Variants in TENM3 observed in about 807,000 individuals in gnomAD.
TENM3 encodes teneurin-3.
TENM3 carries 63 observed loss-of-function variants against 255.1 expected under a neutral mutation model. The ratio of observed to expected loss-of-function variants is 0.25; its 90% CI spans 0.20 to 0.30. TENM3 has a LOEUF of 0.30. Ranked by LOEUF, TENM3 falls within the 10% of genes least tolerant of loss-of-function variation. TENM3 has a pLI of 1.00. For missense variants in TENM3, 2,929 were observed against 3,461.1 expected, an observed-to-expected ratio of 0.85 and a Z score of 3.86; for synonymous variants, 1,306 against 1,322.3, an observed-to-expected ratio of 0.99 and a Z score of 0.27.
At chr4:181,614,759 A>G in the TENM3 span, among the ~76,000 whole-genome samples, 1 of 152,248 alleles carries the variant, frequency 6.6e-6, no homozygotes, top group African/African-American at 2.4e-5. Context: ...ACTATCTACC[A>G]GCTTTCTAGA....
chr4:182,100,774 CAT>C, the TENM3 span, among the ~76,000 whole-genome samples: 54 of 33,150 alleles, frequency 1.6e-3, 6 homozygotes, highest in African/African-American at 4.8e-3. Context: ...TATATATACA[CAT>C]ATATATACAC....
chr4:182,743,833 C>A lies in TENM3; in HGVS notation c.3629+414C>A, dbSNP rs557682762. Among the ~76,000 whole-genome samples, 4 of 152,266 alleles carry A rather than the reference C, an allele frequency of 2.6e-5. No homozygotes were observed. The South Asian group carries it at 6.2e-4, about 24-fold the overall frequency. On this transcript the variant is annotated intron_variant, in intron 19 of 27. Coordinates refer to ENST00000511685, the MANE Select transcript of TENM3 (RefSeq NM_001080477.4). ...GATATTAAATGGACTAAGGCTACAA[C>A]TTTTAACTAGAATATTGGATCTTCA...
the TENM3 span, among the ~76,000 whole-genome samples, chr4:181,912,570 A>C: frequency 1.3e-5 from 2 of 151,998 alleles, no homozygotes; most frequent in Non-Finnish European, 1.5e-5. Flanking sequence ...AGATGAGTGG[A>C]TCACTTGAGG....
At chr4:181,468,123 C>T in the TENM3 span, among the ~76,000 whole-genome samples, 1 of 82,696 alleles carries the variant, frequency 1.2e-5, no homozygotes, top group Non-Finnish European at 2.7e-5. Context: ...CAGGGAGACC[C>T]CATCTGTACA....
intron 3 of TENM3, among the ~76,000 whole-genome samples, chr4:182,578,513 G>A (rs1317053585): frequency 2.6e-5 from 4 of 151,916 alleles, no homozygotes; most frequent in Non-Finnish European, 5.9e-5. Context: ...GAATATCTGT[G>A]GAATGAATGA....
the TENM3 span, among the ~76,000 whole-genome samples, chr4:181,547,067 T>A: frequency 6.6e-6 from 1 of 152,310 alleles, no homozygotes; most frequent in Admixed American, 6.5e-5. Context: ...TTCTTAAATG[T>A]AATGAGTTAG....
the TENM3 span, among the ~76,000 whole-genome samples, chr4:182,023,566 G>T: frequency 6.6e-6 from 1 of 152,124 alleles, no homozygotes; most frequent in Admixed American, 6.5e-5. Context: ...ACCCCTCCTG[G>T]TTTATGACAG....
At chr4:181,938,911 T>G in the TENM3 span, among the ~76,000 whole-genome samples, 1 of 152,326 alleles carries the variant, frequency 6.6e-6, no homozygotes, top group East Asian at 1.9e-4. Flanking sequence ...AAAGTCCTAC[T>G]GCAATATAAA....
rs557052615 is a variant in TENM3, at chr4:182,493,735, C to T, written c.512-107189C>T. Among the ~76,000 whole-genome samples the T allele has an allele frequency of 5.3e-5, 8 of 152,072 alleles. No individual in the cohort carries two copies. The East Asian group carries it at 1.4e-3, about 26-fold the overall frequency. On this transcript the variant is annotated intron_variant, in intron 3 of 27. Transcript: ENST00000511685. The stretch of plus-strand genomic sequence containing the variant: ...TTAGATTGTACCTTCATTTAATGAT[C>T]GCTATATACATTAATGCTAAGACTT...
chr4:182,086,757 G>T, the TENM3 span, among the ~76,000 whole-genome samples: 1 of 152,116 alleles, frequency 6.6e-6, no homozygotes, highest in South Asian at 2.1e-4. Flanking sequence ...TTTTCTTTTT[G>T]GTTTGAGCAA....
At chr4:182,671,745 ATAGT>A (rs796095799) in intron 6 of TENM3, among the ~76,000 whole-genome samples, 2 of 152,336 alleles carry the variant, frequency 1.3e-5, no homozygotes, top group South Asian at 2.1e-4. Flanking sequence ...CTCTTCACAG[ATAGT>A]TAGAAGCCTG....
At chr4:182,581,056 G>A (rs1745450108) in intron 3 of TENM3, among the ~76,000 whole-genome samples, 1 of 152,124 alleles carries the variant, frequency 6.6e-6, no homozygotes, top group South Asian at 2.1e-4. Flanking sequence ...TATTGAACAT[G>A]TTAATGTAAA....
rs1756027798 is a variant in TENM3, at chr4:182,680,145, A to G, written c.1538-103A>G. 3 of 875,862 alleles carry G rather than the reference A, an allele frequency of 3.4e-6. No individual in the cohort carries two copies. In the South Asian group the frequency reaches 4.4e-5, roughly 13 times the overall value. 54.3% of individuals were successfully genotyped at this position (875,862 alleles called of 1,614,324 possible). ...ATTTGAAGTGACAGTGCTTTGCTTT[A>G]CTACTCAAATTATCTAGCATAAATG... On this transcript the variant is annotated intron_variant, in intron 8 of 27. Coordinates refer to ENST00000511685, the MANE Select transcript of TENM3 (RefSeq NM_001080477.4).
At chr4:181,532,414 G>A in the TENM3 span, among the ~76,000 whole-genome samples, 2 of 152,104 alleles carry the variant, frequency 1.3e-5, no homozygotes, top group Admixed American at 1.3e-4. Context: ...GAGATTCCTG[G>A]CTTGAAGGTG....
intron 4 of TENM3, among the ~76,000 whole-genome samples, chr4:182,609,751 C>T (rs1748807999): frequency 6.6e-6 from 1 of 152,172 alleles, no homozygotes; most frequent in African/African-American, 2.4e-5. Flanking sequence ...TAACCTTGGT[C>T]AGGGTAATTA....
At chr4:182,546,036 A>G (rs989209002) in intron 3 of TENM3, among the ~76,000 whole-genome samples, 20 of 152,168 alleles carry the variant, frequency 1.3e-4, no homozygotes, top group Admixed American at 6.5e-5. Flanking sequence ...GAAACTAGAG[A>G]AGGGACAATG....
intron 19 of TENM3, among the ~76,000 whole-genome samples, chr4:182,749,708 T>C (rs1361546675): frequency 6.6e-6 from 1 of 152,168 alleles, no homozygotes; most frequent in Non-Finnish European, 1.5e-5. Context: ...AGTTAGGACT[T>C]AAACCCAGGC....
chr4:182,140,251 G>A (rs1459374342), upstream of TENM3, among the ~76,000 whole-genome samples: 1 of 152,212 alleles, frequency 6.6e-6, no homozygotes, highest in African/African-American at 2.4e-5. Flanking sequence ...CTAGAATTTG[G>A]GTTTTGCTCA....
At chr4:181,568,827 A>T in the TENM3 span, among the ~76,000 whole-genome samples, 1 of 152,116 alleles carries the variant, frequency 6.6e-6, no homozygotes, top group Non-Finnish European at 1.5e-5. Context: ...CTCCTGTGAC[A>T]CAAAGGGCAC....
Sources: gnomAD v4.1 joint callset for allele counts (sites outside exome capture counted in the v4.1 genomes callset) on GRCh38, gnomAD v4.1.1 for gene constraint, MANE v1.5 for transcripts, NCBI Gene and HGNC (gene_info 2026-07-23, HGNC 2026-07-21) for gene names.